Variants in ARHGAP10 observed in about 807,000 individuals in gnomAD.
ARHGAP10 encodes rho GTPase-activating protein 10.
A neutral mutation model predicts 108.6 loss-of-function variants in ARHGAP10; 87 were observed. That is an observed-to-expected ratio of 0.80 (90% CI 0.67 to 0.96). ARHGAP10 has a LOEUF of 0.96. ARHGAP10 is among the 40% of genes least tolerant of loss of function. ARHGAP10 has a pLI of 0.00. For missense variants in ARHGAP10, 939 were observed against 954.5 expected, an observed-to-expected ratio of 0.98 and a Z score of 0.21; for synonymous variants, 347 against 341.1, an observed-to-expected ratio of 1.02 and a Z score of -0.19.
chr4:147,896,731 T>A (rs1296345541), intron 10 of ARHGAP10, among the ~76,000 whole-genome samples: 1 of 152,136 alleles, frequency 6.6e-6, no homozygotes, highest in Admixed American at 6.5e-5. Flanking sequence ...TTACACCTTG[T>A]TTTTGAGATG....
intron 14 of ARHGAP10, among the ~76,000 whole-genome samples, chr4:147,941,118 CTTCT>C (rs1738150494): frequency 6.6e-6 from 1 of 152,200 alleles, no homozygotes; most frequent in Non-Finnish European, 1.5e-5. Flanking sequence ...ATTGGAATCA[CTTCT>C]TTCATTTCCA....
intron 10 of ARHGAP10, among the ~76,000 whole-genome samples, chr4:147,905,743 A>C (rs1218774956): frequency 2.0e-5 from 3 of 149,210 alleles, no homozygotes; most frequent in African/African-American, 4.9e-5. Context: ...TATGAGCTTT[A>C]AAGTAGTTTT....
intron 18 of ARHGAP10, among the ~76,000 whole-genome samples, chr4:148,016,996 A>C (rs998298996): frequency 7.2e-5 from 11 of 151,938 alleles, no homozygotes; most frequent in African/African-American, 1.9e-4. Context: ...AAAAAAAAAA[A>C]AAAAAAAAAC....
At position 147,851,270 on chromosome 4, in the gene ARHGAP10, TA is replaced by T. The variant is rs199902147; in HGVS notation, c.384+4052del. Among the ~76,000 whole-genome samples, 894 of 128,842 alleles carry T rather than the reference TA, an allele frequency of 6.9e-3. 1 individual carries two copies. The highest frequency in any genetic ancestry group is 0.012 in the East Asian group (48 of 4,170). The allele number at this position is 128,842 out of a possible 152,430, so 84.5% of individuals were successfully genotyped here. A position where few individuals can be genotyped will look rare whatever the true frequency, so the allele number is the denominator to read the frequency against. ...ATGACTAATAATTTTTTTTTTTTTTTAAAATACAGGATTTCATTCTGTTGTC... is the reference window on the plus strand; with the variant it reads ...ATGACTAATAATTTTTTTTTTTTTTTAAATACAGGATTTCATTCTGTTGTC... On this transcript the variant is annotated intron_variant, in intron 4 of 22. Coordinates refer to ENST00000336498, the MANE Select transcript of ARHGAP10 (RefSeq NM_024605.4).
intron 1 of ARHGAP10, among the ~76,000 whole-genome samples, chr4:147,796,263 ATAAT>A (rs1315693867): frequency 1.3e-5 from 2 of 152,240 alleles, no homozygotes; most frequent in Non-Finnish European, 2.9e-5. Context: ...AAAGATGAAT[ATAAT>A]TAATCCTTGC....
intron 3 of ARHGAP10, among the ~76,000 whole-genome samples, chr4:147,835,346 A>C (rs1011827558): frequency 1.3e-5 from 2 of 152,046 alleles, no homozygotes; most frequent in African/African-American, 2.4e-5. Flanking sequence ...TTCTTTTCTG[A>C]ATGTTTCTTT....
chr4:148,071,621 G>C (rs1002288696), intron 22 of ARHGAP10, among the ~76,000 whole-genome samples: 5 of 137,646 alleles, frequency 3.6e-5, no homozygotes, highest in African/African-American at 1.3e-4. Context: ...CTCTCAGGAA[G>C]AAAACAAACA....
intron 22 of ARHGAP10, among the ~76,000 whole-genome samples, chr4:148,068,496 A>C (rs1277462291): frequency 6.6e-6 from 1 of 152,192 alleles, no homozygotes; most frequent in Non-Finnish European, 1.5e-5. Context: ...GGAATCTGAG[A>C]AAAAAATATC....
intron 15 of ARHGAP10, among the ~76,000 whole-genome samples, chr4:147,949,220 G>A (rs938610801): frequency 6.6e-6 from 1 of 152,178 alleles, no homozygotes; most frequent in Non-Finnish European, 1.5e-5. Context: ...TTGATAAAGG[G>A]ATGTATACTT....
intron 1 of ARHGAP10, among the ~76,000 whole-genome samples, chr4:147,753,355 C>CTTT (rs36025529): frequency 1.1e-4 from 16 of 145,742 alleles, no homozygotes; most frequent in Admixed American, 2.7e-4. Flanking sequence ...CTTTTCTTTT[C>CTTT]TTTTTTTTTT....
intron 10 of ARHGAP10, among the ~76,000 whole-genome samples, chr4:147,885,911 G>A (rs1281284795): frequency 6.6e-6 from 1 of 152,074 alleles, no homozygotes; most frequent in Admixed American, 6.5e-5. Flanking sequence ...CCTAAAATCC[G>A]AGATCTATAA....
intron 19 of ARHGAP10, among the ~76,000 whole-genome samples, chr4:148,031,712 G>A (rs561183419): frequency 6.6e-6 from 1 of 152,298 alleles, no homozygotes; most frequent in African/African-American, 2.4e-5. Flanking sequence ...AGTGTTGTAA[G>A]GGAGTCACAG....
intron 18 of ARHGAP10, among the ~76,000 whole-genome samples, chr4:148,011,910 A>C (rs1032076033): frequency 1.3e-5 from 2 of 152,172 alleles, no homozygotes; most frequent in Non-Finnish European, 2.9e-5. Flanking sequence ...TTACATAAAA[A>C]TCTATGTGCT....
At chr4:147,809,636 A>G (rs1399814843) in intron 1 of ARHGAP10, among the ~76,000 whole-genome samples, 1 of 152,144 alleles carries the variant, frequency 6.6e-6, no homozygotes, top group Non-Finnish European at 1.5e-5. Context: ...ATTCTCAATC[A>G]TTGCACTATA....
intron 22 of ARHGAP10, among the ~76,000 whole-genome samples, chr4:148,070,893 T>C (rs1287411623): frequency 2.0e-5 from 3 of 152,200 alleles, no homozygotes; most frequent in Non-Finnish European, 4.4e-5. Context: ...GAAATGCTTC[T>C]GTATTGCATT....
chr4:147,900,184 T>C (rs1736181577), intron 10 of ARHGAP10, among the ~76,000 whole-genome samples: 1 of 152,210 alleles, frequency 6.6e-6, no homozygotes, highest in African/African-American at 2.4e-5. Flanking sequence ...AAATGTAGAA[T>C]ACAGATAATA....
intron 1 of ARHGAP10, among the ~76,000 whole-genome samples, chr4:147,805,961 A>C (rs1339136897): frequency 2.0e-5 from 3 of 152,228 alleles, no homozygotes; most frequent in African/African-American, 7.2e-5. Context: ...CCAACCCTGA[A>C]GGCTAAAAAG....
intron 5 of ARHGAP10, among the ~76,000 whole-genome samples, chr4:147,859,713 T>C (rs918739428): frequency 6.6e-6 from 1 of 152,226 alleles, no homozygotes; most frequent in African/African-American, 2.4e-5. Context: ...ACAGTACCTG[T>C]TAAGGAGTAG....
At chr4:147,966,625 T>A in intron 17 of ARHGAP10, 55 bp from the exon 18 acceptor site, 1 of 1,454,494 alleles carries the variant, frequency 6.9e-7, no homozygotes, top group Non-Finnish European at 9.2e-7. Context: ...CTATTTACAG[T>A]CCACAATTTT....
Sources: gnomAD v4.1 joint callset for allele counts (sites outside exome capture counted in the v4.1 genomes callset) on GRCh38, gnomAD v4.1.1 for gene constraint, MANE v1.5 for transcripts, NCBI Gene and HGNC (gene_info 2026-07-23, HGNC 2026-07-21) for gene names.